The following JPH3 variants were observed in gnomAD, a reference collection of about 807,000 sequenced individuals.
JPH3 encodes the protein junctophilin 3.
A neutral mutation model predicts 59.6 loss-of-function variants in JPH3; 11 were observed. That is an observed-to-expected ratio of 0.18 (90% CI 0.12 to 0.31). The LOEUF (loss-of-function observed/expected upper bound fraction) is 0.31. Among genes scored for constraint, JPH3 ranks in the 10% least tolerant of loss-of-function variants. The probability of loss-of-function intolerance (pLI) is 1.00; values close to 1 mark genes in which losing one functional copy is unlikely to be tolerated. For missense variants in JPH3, 1,202 were observed against 1,105.7 expected (o/e 1.09, Z -1.24); for synonymous variants, 673 against 483.6 (o/e 1.39, Z -5.14).
At position 87,603,410 on chromosome 16, in the gene JPH3, G is replaced by A; in HGVS notation, c.264G>A (p.Thr88=). ...AGTGGGTGTACAAGGGCGAGTGGAC[G>A]CACGGATTCAAGGGGCGCTACGGGG... ...KGKWVYKGEW[T]HGFKGRYGVR... Residue 88 remains threonine, a synonymous_variant, in exon 1 of 5, where the codon ACG becomes ACA. Coordinates refer to ENST00000284262, the MANE Select transcript of JPH3 (RefSeq NM_020655.4). 6.3e-7 allele frequency: 1 copy of A among 1,590,224 alleles called. No homozygotes were observed. Among genetic ancestry groups the A allele is most frequent in the Non-Finnish European group, 8.6e-7 (1 of 1,168,850 alleles).
chr16:87,603,030 T>G lies in JPH3; in HGVS notation c.-117T>G. ...CCCGAGACCGCGCTCCGGGGCCGCG[T>G]CCTCCTCTCCTCCGGAAAACGCTCG... On this transcript the variant is annotated 5_prime_UTR_variant, in exon 1 of 5. Transcript: ENST00000284262. 8.6e-6 allele frequency: 11 copies of G among 1,286,386 alleles called. No homozygotes were observed. Among genetic ancestry groups the G allele is most frequent in the South Asian group, 1.5e-5 (1 of 68,672 alleles). 79.7% of individuals were successfully genotyped at this position (1,286,386 alleles called of 1,614,324 possible). A position where few individuals can be genotyped will look rare whatever the true frequency, so the allele number is the denominator to read the frequency against.
Position 87,611,091 on chromosome 16 carries a change from G to T in JPH3, c.382+7563G>T, listed in dbSNP as rs1323321826. On this transcript the variant is annotated intron_variant, in intron 1 of 4. Coordinates refer to ENST00000284262, the MANE Select transcript of JPH3 (RefSeq NM_020655.4). The surrounding 1 kb of genome is among the most constrained non-coding windows in gnomAD (Gnocchi z 4.5). ...TGAGTATGTACGCAGTACAGAGTTTGTGGTAACGTGGAAGATTGGAAAAAA... is the reference window on the plus strand; with the variant it reads ...TGAGTATGTACGCAGTACAGAGTTTTTGGTAACGTGGAAGATTGGAAAAAA... 6.6e-6 allele frequency among the ~76,000 whole-genome samples: 1 copy of T among 152,228 alleles called. No individual in the cohort carries two copies. Among genetic ancestry groups the T allele is most frequent in the Non-Finnish European group, 1.5e-5 (1 of 68,046 alleles).
At position 87,696,586 on chromosome 16, in the gene JPH3, G is replaced by C. The variant is rs771928238; in HGVS notation, c.2173G>C (p.Ala725Pro). 1.9e-6 allele frequency: 3 copies of C among 1,613,316 alleles called. No homozygotes were observed. The highest frequency in any genetic ancestry group is 2.5e-6 in the Non-Finnish European group (3 of 1,179,864). Residue 725 changes from alanine to proline, a missense_variant, in exon 5 of 5, where the codon GCG becomes CCG. Ala to Pro is a conservative substitution (Grantham distance 27). Transcript: ENST00000284262. ...TCCCCTCGCTCTCTTCCAGGGCTCA[G>C]CGCCTATCCTGGTGGTCATGGTGAT... ...GDELKSSTGS[A>P]PILVVMVILL...
chr16:87,620,168 A>G (rs2031119627), intron 1 of JPH3, among the ~76,000 whole-genome samples: 2 of 151,914 alleles, frequency 1.3e-5, no homozygotes, highest in Admixed American at 6.5e-5. Context: ...CAGGCCAGCA[A>G]TGGGGACTGG....
At chr16:87,667,644 C>T (rs576568279) in intron 2 of JPH3, among the ~76,000 whole-genome samples, 17 of 152,314 alleles carry the variant, frequency 1.1e-4, no homozygotes, top group South Asian at 2.1e-4. Context: ...TCTTGGGCAA[C>T]GTCCCACCCC....
chr16:87,696,525 C>T, intron 4 of JPH3, 55 bp from the exon 5 acceptor site: 1 of 1,480,364 alleles, frequency 6.8e-7, no homozygotes, highest in Admixed American at 1.7e-5. Context: ...GGCGTGGTGG[C>T]CCAGGCAGAG....
intron 2 of JPH3, among the ~76,000 whole-genome samples, chr16:87,673,696 C>T (rs930548898): frequency 5.3e-5 from 8 of 152,052 alleles, no homozygotes; most frequent in African/African-American, 1.7e-4. Flanking sequence ...GAGGCTGAGG[C>T]GAGAGGATCA....
chr16:87,603,952 G>A (rs2030376271), intron 1 of JPH3: 4 of 416,268 alleles, frequency 9.6e-6, no homozygotes, highest in Non-Finnish European at 1.3e-5. Context: ...CCCCAGCTTC[G>A]CTTCTGGTGT....
chr16:87,641,525 C>T (rs1297877111), intron 1 of JPH3, among the ~76,000 whole-genome samples: 3 of 152,332 alleles, frequency 2.0e-5, no homozygotes, highest in Admixed American at 6.5e-5. Context: ...CTGAGACCAC[C>T]TCATTCGGCC....
intron 3 of JPH3, among the ~76,000 whole-genome samples, chr16:87,688,076 G>A (rs369978698): frequency 1.3e-5 from 2 of 152,314 alleles, no homozygotes; most frequent in East Asian, 3.9e-4. Context: ...TGTCAGCACA[G>A]TTCTACACAG....
intron 1 of JPH3, among the ~76,000 whole-genome samples, chr16:87,606,363 G>A (rs908934869): frequency 2.0e-4 from 31 of 152,256 alleles, no homozygotes; most frequent in African/African-American, 7.5e-4. Context: ...ACATGTAGCT[G>A]GAATTGGTGT....
At chr16:87,659,818 C>T (rs1459940954) in intron 2 of JPH3, among the ~76,000 whole-genome samples, 1 of 152,164 alleles carries the variant, frequency 6.6e-6, no homozygotes, top group Non-Finnish European at 1.5e-5. Context: ...CACCATCTAT[C>T]TCCAGAACTC....
At chr16:87,651,622 A>G (rs1238757621) in intron 2 of JPH3, among the ~76,000 whole-genome samples, 2 of 152,266 alleles carry the variant, frequency 1.3e-5, no homozygotes, top group East Asian at 3.8e-4. Flanking sequence ...TGGTGGAAAT[A>G]GCAAGAGAAC....
At chr16:87,640,087 G>C (rs148171588) in intron 1 of JPH3, among the ~76,000 whole-genome samples, 3 of 152,268 alleles carry the variant, frequency 2.0e-5, no homozygotes, top group African/African-American at 7.2e-5. Flanking sequence ...CAAGCACTTT[G>C]GGAGGTTGAG....
At chr16:87,645,368 A>G (rs1485451183) in intron 2 of JPH3, among the ~76,000 whole-genome samples, 1 of 152,226 alleles carries the variant, frequency 6.6e-6, no homozygotes, top group East Asian at 1.9e-4. Flanking sequence ...CGTTAGTACA[A>G]TGCATTGGAG....
chr16:87,641,941 G>A (rs1177395320), intron 1 of JPH3, among the ~76,000 whole-genome samples: 4 of 152,252 alleles, frequency 2.6e-5, no homozygotes, highest in South Asian at 2.1e-4. Flanking sequence ...CGGGCATGGG[G>A]GCTCTGGGCC....
At chr16:87,692,721 T>C (rs752006310) in intron 4 of JPH3, among the ~76,000 whole-genome samples, 4 of 152,234 alleles carry the variant, frequency 2.6e-5, no homozygotes, top group Non-Finnish European at 4.4e-5. Flanking sequence ...ACTCTGGCCC[T>C]GGCTGTTTCC....
intron 2 of JPH3, among the ~76,000 whole-genome samples, chr16:87,679,090 G>T (rs2033221642): frequency 6.6e-6 from 1 of 152,172 alleles, no homozygotes; most frequent in Non-Finnish European, 1.5e-5. Flanking sequence ...CGCAGACCTG[G>T]GCAGTGGGGC....
chr16:87,693,176 A>G lies in JPH3; in HGVS notation c.2166+2650A>G, dbSNP rs4843675. ...AGTGGAGGCCCTTGCTGTGTCCACA[A>G]CTCCACTTCCATCTGCGCCTCAGGT... On this transcript the variant is annotated intron_variant, in intron 4 of 4. Transcript: ENST00000284262. Among the ~76,000 whole-genome samples the G allele has an allele frequency of 1.8e-4, 28 of 152,106 alleles. No individual in the cohort carries two copies. In the East Asian group the frequency reaches 5.4e-3, roughly 29 times the overall value.
Sources: allele counts gnomAD v4.1 joint callset (sites outside exome capture counted in the v4.1 genomes callset), GRCh38; gene constraint gnomAD v4.1.1; non-coding constraint Gnocchi (gnomAD v3.1); transcripts MANE v1.5; gene names NCBI Gene and HGNC (gene_info 2026-07-23, HGNC 2026-07-21).